The following PTPRD variants were observed in gnomAD, a reference collection of about 807,000 sequenced individuals.
PTPRD encodes the protein protein tyrosine phosphatase receptor type D.
Under a neutral mutation model 214.5 loss-of-function variants are expected in PTPRD, and 34 were observed. That is an observed-to-expected ratio of 0.16 (90% CI 0.12 to 0.21). The LOEUF (loss-of-function observed/expected upper bound fraction) is 0.21. Among genes scored for constraint, PTPRD ranks in the 10% least tolerant of loss-of-function variants. The probability of loss-of-function intolerance (pLI) is 1.00; values close to 1 mark genes in which losing one functional copy is unlikely to be tolerated. For synonymous variants in PTPRD, 1,128 were observed against 845.7 expected (o/e 1.33, Z -5.79); for missense variants, 2,545 against 2,398.7 (o/e 1.06, Z -1.27).
intron 11 of PTPRD, among the ~76,000 whole-genome samples, chr9:9,016,652 C>G (rs2099536604): frequency 6.6e-6 from 1 of 152,084 alleles, no homozygotes; most frequent in African/African-American, 2.4e-5. Context: ...GTCGTTTGAC[C>G]TACCCCCTAA....
chr9:10,557,088 C>T (rs1034852663), intron 2 of PTPRD, among the ~76,000 whole-genome samples: 3 of 151,936 alleles, frequency 2.0e-5, no homozygotes, highest in Non-Finnish European at 4.4e-5. Flanking sequence ...GAAATTACAC[C>T]ATGGCTTTCA....
intron 11 of PTPRD, among the ~76,000 whole-genome samples, chr9:8,817,030 T>A (rs749451707): frequency 1.2e-4 from 19 of 152,212 alleles, no homozygotes; most frequent in Non-Finnish European, 2.2e-4. Context: ...AATAAGTGAA[T>A]CAACAATATG....
intron 2 of PTPRD, among the ~76,000 whole-genome samples, chr9:10,414,367 G>A (rs540236043): frequency 2.6e-5 from 4 of 151,944 alleles, no homozygotes; most frequent in Non-Finnish European, 5.9e-5. Flanking sequence ...TTAGAGAAAT[G>A]CAAATCAAAA....
chr9:8,712,483 G>C (rs1417753964), intron 12 of PTPRD, among the ~76,000 whole-genome samples: 2 of 151,616 alleles, frequency 1.3e-5, no homozygotes, highest in Non-Finnish European at 2.9e-5. Context: ...AGCTGGGCAG[G>C]ATGAGCATGT....
chr9:8,892,669 A>G (rs1234564981), intron 11 of PTPRD, among the ~76,000 whole-genome samples: 5 of 127,680 alleles, frequency 3.9e-5, no homozygotes, highest in African/African-American at 3.0e-5. Flanking sequence ...GTGTATATAT[A>G]TGTGTATATA....
intron 7 of PTPRD, among the ~76,000 whole-genome samples, chr9:9,575,228 T>G (rs896378091): frequency 1.3e-5 from 2 of 152,212 alleles, no homozygotes; most frequent in African/African-American, 4.8e-5. Flanking sequence ...TTTATCCATT[T>G]TAATCACTAA....
intron 14 of PTPRD, among the ~76,000 whole-genome samples, chr9:8,601,276 TC>T (rs1446620207): frequency 2.0e-5 from 3 of 152,260 alleles, no homozygotes; most frequent in African/African-American, 7.2e-5. Context: ...AGTCCCTGGC[TC>T]CCAGATGGCA....
chr9:9,091,116 C>T (rs2099775002), intron 10 of PTPRD: 1 of 1,439,836 alleles, frequency 6.9e-7, no homozygotes, highest in Non-Finnish European at 9.7e-7. Context: ...AGCTACATTA[C>T]TGTGTGAGTT....
rs34225956 is a variant in PTPRD, at chr9:10,285,605, C to CTTTTTT, written c.-545+55352_-545+55357dup. ...GTTTCATATTATTTTGGGGTCTCAT[C>CTTTTTT]TTTTTTTTTTTTTTTTTTTTTTTGA... On this transcript the variant is annotated intron_variant, in intron 3 of 45. Coordinates refer to ENST00000381196, the MANE Select transcript of PTPRD (RefSeq NM_002839.4). Among the ~76,000 whole-genome samples, 59 of 104,060 alleles carry CTTTTTT rather than the reference C, an allele frequency of 5.7e-4. 1 individual carries two copies. Among genetic ancestry groups the CTTTTTT allele is most frequent in the South Asian group, 1.5e-3 (4 of 2,668 alleles). The allele number at this position is 104,060 out of a possible 152,430, so 68.3% of individuals were successfully genotyped here. A position where few individuals can be genotyped will look rare whatever the true frequency, so the allele number is the denominator to read the frequency against.
At chr9:9,299,234 T>G (rs1483505975) in intron 9 of PTPRD, among the ~76,000 whole-genome samples, 1 of 151,826 alleles carries the variant, frequency 6.6e-6, no homozygotes, top group Non-Finnish European at 1.5e-5. Context: ...TATTAGTTAA[T>G]TAGTGAAAAA....
chr9:9,896,011 C>G (rs910493961), intron 5 of PTPRD, among the ~76,000 whole-genome samples: 1 of 151,962 alleles, frequency 6.6e-6, no homozygotes, highest in Non-Finnish European at 1.5e-5. Flanking sequence ...TGTCACAGTT[C>G]GTCTACTGCA....
chr9:9,616,102 C>G (rs2094842618), intron 7 of PTPRD, among the ~76,000 whole-genome samples: 1 of 152,126 alleles, frequency 6.6e-6, no homozygotes, highest in South Asian at 2.1e-4. Context: ...CCTGGTTCTG[C>G]CAAATTGATA....
At chr9:8,557,304 T>C in intron 14 of PTPRD, among the ~76,000 whole-genome samples, 1 of 151,900 alleles carries the variant, frequency 6.6e-6, no homozygotes, top group East Asian at 1.9e-4. Context: ...ACTAGCACAG[T>C]GTCTGATATG....
intron 11 of PTPRD, among the ~76,000 whole-genome samples, chr9:8,812,847 A>G (rs1321526653): frequency 6.6e-6 from 1 of 151,940 alleles, no homozygotes; most frequent in East Asian, 1.9e-4. Context: ...TCTTAAGGAA[A>G]ACAGTCTTGA....
At position 8,507,389 on chromosome 9, in the gene PTPRD, G is replaced by C. The variant is rs1592284364; in HGVS notation, c.1589C>G (p.Thr530Arg). ...LNFKAEPESE[T>R]SILLSWTPPR... Reference sequence around the variant, plus strand: ...AGGTGTCCAAGAGAGCAAAATACTTGTTTCAGACTCAGGTTCTGCTTTGAA... The same window carrying C: ...AGGTGTCCAAGAGAGCAAAATACTTCTTTCAGACTCAGGTTCTGCTTTGAA... Residue 530 changes from threonine (T) to arginine (R), a missense_variant, in exon 22 of 46, where the codon ACA (threonine) becomes AGA (arginine). Coordinates refer to ENST00000381196, the MANE Select transcript of PTPRD (RefSeq NM_002839.4). 1 of 1,613,988 alleles carries C rather than the reference G, an allele frequency of 6.2e-7. No individual in the cohort carries two copies. Among genetic ancestry groups the C allele is most frequent in the Non-Finnish European group, 8.5e-7 (1 of 1,179,884 alleles).
At chr9:9,386,432 G>A (rs751913316) in intron 9 of PTPRD, among the ~76,000 whole-genome samples, 1 of 152,128 alleles carries the variant, frequency 6.6e-6, no homozygotes, top group African/African-American at 2.4e-5. Context: ...AAGAGTGAGG[G>A]TAGATCCCGG....
intron 3 of PTPRD, among the ~76,000 whole-genome samples, chr9:10,085,818 T>C (rs1331113885): frequency 1.3e-5 from 2 of 151,890 alleles, no homozygotes; most frequent in Non-Finnish European, 2.9e-5. Context: ...TTCTGCCTCA[T>C]CAGTTTCCTT....
intron 8 of PTPRD, among the ~76,000 whole-genome samples, chr9:9,528,703 T>G (rs1015115801): frequency 1.3e-4 from 19 of 151,684 alleles, no homozygotes; most frequent in Admixed American, 5.3e-4. Context: ...GAGAAAATAT[T>G]GAGGTAGATG....
chr9:8,418,589 T>C (rs1368473035), intron 35 of PTPRD, among the ~76,000 whole-genome samples: 1 of 151,978 alleles, frequency 6.6e-6, no homozygotes, highest in African/African-American at 2.4e-5. Context: ...TTTGTAATTT[T>C]AATCATTTCT....
Sources: gnomAD v4.1 joint callset for allele counts (sites outside exome capture counted in the v4.1 genomes callset) on GRCh38, gnomAD v4.1.1 for gene constraint, MANE v1.5 for transcripts, NCBI Gene and HGNC (gene_info 2026-07-23, HGNC 2026-07-21) for gene names.